Variants in CCNH observed in about 807,000 individuals in gnomAD.
The protein encoded by CCNH is cyclin-H.
A neutral mutation model predicts 41.9 loss-of-function variants in CCNH; 31 were observed. That is an observed-to-expected ratio of 0.74 (90% CI 0.56 to 1.00). The LOEUF (loss-of-function observed/expected upper bound fraction) is 1.00. Among genes scored for constraint, CCNH ranks in the 50% least tolerant of loss-of-function variants. The probability of loss-of-function intolerance (pLI) is 0.00; values close to 1 mark genes in which losing one functional copy is unlikely to be tolerated. For synonymous variants in CCNH, 138 were observed against 136.1 expected, an observed-to-expected ratio of 1.01 and a Z score of -0.10; for missense variants, 362 against 388.4, an observed-to-expected ratio of 0.93 and a Z score of 0.57.
the CCNH span, among the ~76,000 whole-genome samples, chr5:87,311,851 G>A: frequency 6.6e-6 from 1 of 152,214 alleles, no homozygotes; most frequent in Non-Finnish European, 1.5e-5. Context: ...GTATGGTGTG[G>A]CTGAAGGCTT....
chr5:87,395,638 C>A (rs1192409359), intron 7 of CCNH, among the ~76,000 whole-genome samples: 1 of 152,096 alleles, frequency 6.6e-6, no homozygotes, highest in African/African-American at 2.4e-5. Flanking sequence ...TTTAGGAGGC[C>A]GAGGCGTCAG....
intron 9 of CCNH, chr5:87,332,519 G>C: frequency 1.2e-6 from 2 of 1,606,606 alleles, no homozygotes; most frequent in South Asian, 1.1e-5. Context: ...TTATTGCTAT[G>C]TGTGGAGATT....
At chr5:87,379,499 C>T (rs1372522587), upstream of CCNH, among the ~76,000 whole-genome samples, 2 of 152,102 alleles carry the variant, frequency 1.3e-5, no homozygotes, top group Non-Finnish European at 2.9e-5. Flanking sequence ...ATAGAATTGA[C>T]TAAGCACTGT....
At chr5:87,336,051 G>T (rs1261534409) in intron 9 of CCNH, among the ~76,000 whole-genome samples, 2 of 152,156 alleles carry the variant, frequency 1.3e-5, no homozygotes, top group African/African-American at 2.4e-5. Flanking sequence ...CTTAGGTGAA[G>T]CCAGATTTTC....
chr5:87,383,640 T>C, intron 9 of CCNH: 1 of 1,149,430 alleles, frequency 8.7e-7, no homozygotes, highest in Non-Finnish European at 1.2e-6. Flanking sequence ...TCTGTTTATA[T>C]ATATTGTTTT....
intron 9 of CCNH, among the ~76,000 whole-genome samples, chr5:87,347,063 C>A (rs911278700): frequency 1.3e-5 from 2 of 151,980 alleles, no homozygotes; most frequent in African/African-American, 4.8e-5. Context: ...ACATGCAACA[C>A]ACTTTTTTCA....
intron 9 of CCNH, among the ~76,000 whole-genome samples, chr5:87,356,338 C>G (rs967286976): frequency 4.6e-5 from 7 of 152,094 alleles, no homozygotes; most frequent in African/African-American, 7.2e-5. Flanking sequence ...CAAGACCCTT[C>G]ACCAGCGTAA....
At chr5:87,380,097 T>C (rs1761605104), upstream of CCNH, among the ~76,000 whole-genome samples, 1 of 152,172 alleles carries the variant, frequency 6.6e-6, no homozygotes, top group Admixed American at 6.5e-5. Context: ...TAGAGGTTTA[T>C]AGTTTCAGAT....
downstream of CCNH, among the ~76,000 whole-genome samples, chr5:87,390,113 AGATAAG>A (rs1762390431): frequency 6.6e-6 from 1 of 152,250 alleles, no homozygotes; most frequent in Admixed American, 6.5e-5. Context: ...AAACAGATAC[AGATAAG>A]GATGTATTCA....
intron 9 of CCNH, among the ~76,000 whole-genome samples, chr5:87,385,960 A>G (rs1366337402): frequency 6.6e-6 from 1 of 151,934 alleles, no homozygotes; most frequent in Admixed American, 6.6e-5. Flanking sequence ...TTCCTTTCAT[A>G]CTTACTCAAT....
intron 9 of CCNH, among the ~76,000 whole-genome samples, chr5:87,370,534 T>C (rs1760851420): frequency 6.6e-6 from 1 of 152,214 alleles, no homozygotes; most frequent in Non-Finnish European, 1.5e-5. Context: ...TTCTGGCTTA[T>C]GCCTGTAGTC....
chr5:87,390,919 T>G (rs1196819476), downstream of CCNH: 13 of 1,552,618 alleles, frequency 8.4e-6, no homozygotes, highest in Non-Finnish European at 1.2e-5. Flanking sequence ...GGATTCAGCA[T>G]GTCCAACATG....
chr5:87,328,267 C>G (rs1210683332), intron 9 of CCNH, among the ~76,000 whole-genome samples: 2 of 152,018 alleles, frequency 1.3e-5, no homozygotes, highest in African/African-American at 4.8e-5. Flanking sequence ...ATTCTCATAC[C>G]ACCAGTATGA....
intron 9 of CCNH, among the ~76,000 whole-genome samples, chr5:87,329,247 C>T (rs1757441441): frequency 6.6e-6 from 1 of 150,800 alleles, no homozygotes; most frequent in Non-Finnish European, 1.5e-5. Context: ...GAATTTGAGA[C>T]CAGCCTGGGT....
At chr5:87,378,747 T>C (rs765817357), upstream of CCNH, among the ~76,000 whole-genome samples, 10 of 152,184 alleles carry the variant, frequency 6.6e-5, no homozygotes, top group Non-Finnish European at 1.3e-4. Flanking sequence ...TTAAAAACCA[T>C]CAAGTTGCAC....
At chr5:87,412,471 T>C in intron 1 of CCNH, 1 of 1,415,478 alleles carries the variant, frequency 7.1e-7, no homozygotes, top group East Asian at 2.6e-5. Flanking sequence ...TGGTTACTTG[T>C]CTGCCATTCG....
At chr5:87,353,321 T>G in intron 9 of CCNH, 1 of 1,051,188 alleles carries the variant, frequency 9.5e-7, no homozygotes, top group South Asian at 1.3e-5. Flanking sequence ...ATTTGTACAA[T>G]TCAAATTGGA....
At chr5:87,372,228 C>T (rs1294719076), downstream of CCNH, 2 of 1,579,124 alleles carry the variant, frequency 1.3e-6, no homozygotes, top group South Asian at 1.1e-5. Flanking sequence ...TTTTAATTGT[C>T]ACATTTTGCT....
chr5:87,369,349 T>A (rs1246070523), intron 9 of CCNH, among the ~76,000 whole-genome samples: 1 of 152,164 alleles, frequency 6.6e-6, no homozygotes, highest in Admixed American at 6.5e-5. Flanking sequence ...GAAGAGATGA[T>A]GTTTCCATTT....
Sources: gnomAD v4.1 joint callset for allele counts (sites outside exome capture counted in the v4.1 genomes callset) on GRCh38, gnomAD v4.1.1 for gene constraint, MANE v1.5 for transcripts, NCBI Gene and HGNC (gene_info 2026-07-23, HGNC 2026-07-21) for gene names.